The following SUMF1 variants were observed in gnomAD, a reference collection of about 807,000 sequenced individuals.
The protein encoded by SUMF1 is sulfatase modifying factor 1.
In SUMF1, 48 loss-of-function variants were observed where a neutral mutation model predicts 47.6. The observed-to-expected ratio is 1.01, with a 90% CI of 0.80 to 1.28. SUMF1 has a LOEUF of 1.28. SUMF1 is among the 50% of genes most tolerant of loss of function. The pLI is 0.00. For synonymous variants in SUMF1, 230 were observed against 192.1 expected, an observed-to-expected ratio of 1.20 and a Z score of -1.63; for missense variants, 571 against 485.4, an observed-to-expected ratio of 1.18 and a Z score of -1.66.
chr3:4,262,303 G>T (rs1169209071), intron 8 of SUMF1, among the ~76,000 whole-genome samples: 3 of 152,064 alleles, frequency 2.0e-5, no homozygotes, highest in Admixed American at 1.3e-4. Flanking sequence ...ACACTGCAAG[G>T]CTTATTATAA....
intron 3 of SUMF1, among the ~76,000 whole-genome samples, chr3:4,425,075 A>T (rs1702026368): frequency 6.6e-6 from 1 of 152,188 alleles, no homozygotes; most frequent in Non-Finnish European, 1.5e-5. Flanking sequence ...CTCTGAGGAG[A>T]GCAAATTATC....
At chr3:4,220,778 G>A (rs941386144) in intron 8 of SUMF1, among the ~76,000 whole-genome samples, 1 of 152,082 alleles carries the variant, frequency 6.6e-6, no homozygotes, top group Non-Finnish European at 1.5e-5. Context: ...CGAGAAGACT[G>A]AACTAGCTTG....
chr3:4,111,748 A>C (rs1574893590), intron 8 of SUMF1, among the ~76,000 whole-genome samples: 1 of 152,184 alleles, frequency 6.6e-6, no homozygotes, highest in East Asian at 1.9e-4. Context: ...AAAAAAACCC[A>C]AAAAAACCTT....
At chr3:4,357,666 T>C (rs1026727628), downstream of SUMF1, among the ~76,000 whole-genome samples, 1 of 151,896 alleles carries the variant, frequency 6.6e-6, no homozygotes, top group Middle Eastern at 3.4e-3. Context: ...TGGAGTGCAA[T>C]GGCGCGATCT....
chr3:4,350,609 A>C (rs1699478984), intron 8 of SUMF1, among the ~76,000 whole-genome samples: 1 of 152,144 alleles, frequency 6.6e-6, no homozygotes, highest in Non-Finnish European at 1.5e-5. Flanking sequence ...CTGATAACTA[A>C]AAAATAATAA....
intron 9 of SUMF1, among the ~76,000 whole-genome samples, chr3:4,055,382 A>C (rs1392453910): frequency 6.6e-6 from 1 of 152,214 alleles, no homozygotes; most frequent in Non-Finnish European, 1.5e-5. Context: ...ATTTATTTAC[A>C]TATACCAGGT....
chr3:4,362,008 C>A lies in SUMF1; in HGVS notation c.*136G>T. On this transcript the variant is annotated 3_prime_UTR_variant, in exon 9 of 9. Coordinates refer to ENST00000272902, the MANE Select transcript of SUMF1 (RefSeq NM_182760.4). Reference sequence around the variant, plus strand: ...AGCAATTTGGTCTCACAAGGCGGTTCCTTTGGCCATTGGGCAGGTATGTAA... The same window carrying A: ...AGCAATTTGGTCTCACAAGGCGGTTACTTTGGCCATTGGGCAGGTATGTAA... 1.3e-6 allele frequency: 1 copy of A among 791,832 alleles called. No homozygotes were observed. 49.1% of individuals were successfully genotyped at this position (791,832 alleles called of 1,614,324 possible).
chr3:4,333,467 G>A (rs1454563753), intron 8 of SUMF1, among the ~76,000 whole-genome samples: 1 of 152,138 alleles, frequency 6.6e-6, no homozygotes, highest in Non-Finnish European at 1.5e-5. Context: ...CAATTTTTAG[G>A]GCCTAATATT....
At chr3:4,251,617 T>G (rs1346734324) in intron 8 of SUMF1, among the ~76,000 whole-genome samples, 1 of 152,192 alleles carries the variant, frequency 6.6e-6, no homozygotes, top group Non-Finnish European at 1.5e-5. Flanking sequence ...ACCCCAACTT[T>G]CAGTGACCTC....
At chr3:4,184,284 T>C (rs1695155321) in intron 8 of SUMF1, among the ~76,000 whole-genome samples, 1 of 151,868 alleles carries the variant, frequency 6.6e-6, no homozygotes, top group Non-Finnish European at 1.5e-5. Context: ...GGCAAAACCC[T>C]GTCTCTACTA....
At chr3:4,227,027 C>T (rs1240125517) in intron 8 of SUMF1, among the ~76,000 whole-genome samples, 4 of 152,066 alleles carry the variant, frequency 2.6e-5, no homozygotes, top group Non-Finnish European at 5.9e-5. Context: ...CTGGCACTTT[C>T]CCTAATAATG....
chr3:4,176,845 T>C (rs976872259), intron 8 of SUMF1, among the ~76,000 whole-genome samples: 19 of 151,986 alleles, frequency 1.3e-4, no homozygotes, highest in Non-Finnish European at 2.6e-4. Context: ...TAGAGGAAGA[T>C]TTACCGAACA....
At chr3:4,410,817 G>T in intron 7 of SUMF1, 48 bp downstream of exon 7, 2 of 1,544,742 alleles carry the variant, frequency 1.3e-6, no homozygotes, top group Non-Finnish European at 1.8e-6. Flanking sequence ...ACTGCCCAGA[G>T]GACAGATGCC....
intron 8 of SUMF1, among the ~76,000 whole-genome samples, chr3:4,295,353 G>A (rs1697829207): frequency 6.6e-6 from 1 of 151,860 alleles, no homozygotes; most frequent in African/African-American, 2.4e-5. Context: ...GTAGATCTGG[G>A]CTTAGAATGT....
At chr3:4,421,790 A>G (rs1475476556) in intron 3 of SUMF1, among the ~76,000 whole-genome samples, 1 of 152,112 alleles carries the variant, frequency 6.6e-6, no homozygotes, top group Non-Finnish European at 1.5e-5. Context: ...TGGCCTGCAA[A>G]TGATTCTTCT....
intron 8 of SUMF1, among the ~76,000 whole-genome samples, chr3:4,319,315 CAATG>C (rs138417666): frequency 0.011 from 1,632 of 152,276 alleles, 19 homozygotes; most frequent in African/African-American, 0.036. Flanking sequence ...ATCACTGAGA[CAATG>C]AATGTTGCCA....
intron 3 of SUMF1, among the ~76,000 whole-genome samples, chr3:4,429,737 C>T (rs1053387694): frequency 5.3e-5 from 8 of 152,120 alleles, no homozygotes; most frequent in Non-Finnish European, 1.2e-4. Flanking sequence ...GTTGCTGGCC[C>T]TTCAAACGAC....
rs547642215 is a variant in SUMF1 at position 4,151,537 on chromosome 3, A to G, written c.1015-82792T>C. ...TATACGTATATATGTATATATGTGT[A>G]TATATATGTGTGTGTATATACACAC... On this transcript the variant is annotated intron_variant and NMD_transcript_variant, in intron 8 of 12. Transcript: ENST00000448413. Among the ~76,000 whole-genome samples the G allele has an allele frequency of 7.7e-3, 959 of 125,238 alleles. 61 individuals are homozygous for G. Among genetic ancestry groups the G allele is most frequent in the African/African-American group, 0.028 (920 of 32,786 alleles). The allele number at this position is 125,238 out of a possible 152,430, so 82.2% of individuals were successfully genotyped here. A position where few individuals can be genotyped will look rare whatever the true frequency, so the allele number is the denominator to read the frequency against.
At chr3:4,056,290 T>A (rs1034440411) in intron 9 of SUMF1, among the ~76,000 whole-genome samples, 67 of 152,266 alleles carry the variant, frequency 4.4e-4, no homozygotes, top group African/African-American at 1.5e-3. Flanking sequence ...CATTGAATTT[T>A]CTCTATTAGA....
Sources: allele counts gnomAD v4.1 joint callset (sites outside exome capture counted in the v4.1 genomes callset), GRCh38; gene constraint gnomAD v4.1.1; transcripts MANE v1.5; gene names NCBI Gene and HGNC (gene_info 2026-07-23, HGNC 2026-07-21).